SCAPER: variants seen among roughly 807,000 people sequenced by gnomAD.
The protein encoded by SCAPER is S phase cyclin A-associated protein in the endoplasmic reticulum.
Under a neutral mutation model 182.2 loss-of-function variants are expected in SCAPER, and 98 were observed. The ratio of observed to expected loss-of-function variants is 0.54; its 90% confidence interval spans 0.46 to 0.64. The LOEUF is 0.64. Ranked by LOEUF, SCAPER falls within the 30% of genes least tolerant of loss-of-function variation. The pLI, the probability that SCAPER is intolerant of heterozygous loss-of-function variation, is 0.00. For synonymous variants in SCAPER, 605 were observed against 564.6 expected (o/e 1.07, Z -1.01); for missense variants, 1,432 against 1,690.0 (o/e 0.85, Z 2.68).
At chr15:76,634,390 G>A (rs1287421099) in intron 21 of SCAPER, among the ~76,000 whole-genome samples, 1 of 152,098 alleles carries the variant, frequency 6.6e-6, no homozygotes, top group Non-Finnish European at 1.5e-5. Flanking sequence ...CTTCTTGGTG[G>A]GAGCTGCAGA....
chr15:76,513,030 C>A (rs191485016), intron 23 of SCAPER, among the ~76,000 whole-genome samples: 1 of 152,282 alleles, frequency 6.6e-6, no homozygotes, highest in African/African-American at 2.4e-5. Context: ...GATAGACACA[C>A]TGCTCAGTAT....
intron 25 of SCAPER, among the ~76,000 whole-genome samples, chr15:76,454,287 C>T (rs1018234532): frequency 2.0e-5 from 3 of 152,170 alleles, no homozygotes; most frequent in Non-Finnish European, 2.9e-5. Flanking sequence ...CCTGACTCAT[C>T]ATAATCCTTA....
chr15:76,728,133 T>G (rs1033475673), intron 17 of SCAPER, among the ~76,000 whole-genome samples: 1 of 150,436 alleles, frequency 6.6e-6, no homozygotes, highest in Admixed American at 6.7e-5. Flanking sequence ...CTTTAAATCT[T>G]AAACAAGTGA....
chr15:76,437,382 C>T (rs991494229), intron 25 of SCAPER, among the ~76,000 whole-genome samples: 1 of 152,100 alleles, frequency 6.6e-6, no homozygotes, highest in African/African-American at 2.4e-5. Context: ...TACTTGCTTT[C>T]CTTTCCTTCC....
At chr15:76,464,167 G>A (rs2049410282) in intron 25 of SCAPER, among the ~76,000 whole-genome samples, 1 of 151,830 alleles carries the variant, frequency 6.6e-6, no homozygotes, top group Admixed American at 6.6e-5. Flanking sequence ...AAACAACTCT[G>A]CTTCCCCCTC....
At chr15:76,392,376 T>C (rs1393106323) in intron 27 of SCAPER, among the ~76,000 whole-genome samples, 1 of 152,214 alleles carries the variant, frequency 6.6e-6, no homozygotes, top group Non-Finnish European at 1.5e-5. Context: ...ACTCCTGTCA[T>C]GTCCAACCCT....
intron 23 of SCAPER, among the ~76,000 whole-genome samples, chr15:76,539,354 C>G (rs1856974373): frequency 6.6e-6 from 1 of 152,044 alleles, no homozygotes. Context: ...CAAAGAAAAG[C>G]CTGGCTCCTA....
intron 21 of SCAPER, among the ~76,000 whole-genome samples, chr15:76,661,403 T>C (rs145230327): frequency 6.6e-6 from 1 of 152,046 alleles, no homozygotes; most frequent in African/African-American, 2.4e-5. Context: ...ACCTACAGAA[T>C]GGGAGAAAAA....
At chr15:76,577,985 A>G (rs2047977398) in intron 22 of SCAPER, among the ~76,000 whole-genome samples, 1 of 152,096 alleles carries the variant, frequency 6.6e-6, no homozygotes, top group Non-Finnish European at 1.5e-5. Flanking sequence ...TCCTGAATGG[A>G]AGGCCCAGGC....
Position 76,434,327 on chromosome 15 carries a change from T to C in SCAPER, c.3079-17A>G. On this transcript the variant is annotated splice_polypyrimidine_tract_variant and intron_variant, in intron 25 of 31. Coordinates refer to ENST00000563290, the MANE Select transcript of SCAPER (RefSeq NM_020843.4). Reference sequence around the variant, plus strand: ...AACATAAACCTAGATGAAAAAAAAGTACAGTAAATATGTTTCAATAAAACC... The same window carrying C: ...AACATAAACCTAGATGAAAAAAAAGCACAGTAAATATGTTTCAATAAAACC... 6.4e-7 allele frequency: 1 copy of C among 1,552,534 alleles called. No homozygotes were observed. Among genetic ancestry groups the C allele is most frequent in the South Asian group, 1.1e-5 (1 of 87,454 alleles).
At chr15:76,872,195 A>G (rs1466236194) in intron 2 of SCAPER, among the ~76,000 whole-genome samples, 4 of 152,118 alleles carry the variant, frequency 2.6e-5, no homozygotes, top group Non-Finnish European at 5.9e-5. Flanking sequence ...TACAGAAGAG[A>G]AAATAAACAT....
intron 26 of SCAPER, among the ~76,000 whole-genome samples, chr15:76,412,490 T>C (rs1032850952): frequency 6.6e-6 from 1 of 152,140 alleles, no homozygotes; most frequent in Non-Finnish European, 1.5e-5. Flanking sequence ...CTTTTAAAAC[T>C]GCTCTAAAAA....
At chr15:76,351,168 G>A in intron 31 of SCAPER, 69 bp downstream of exon 31, 1 of 1,369,674 alleles carries the variant, frequency 7.3e-7, no homozygotes, top group Non-Finnish European at 1.0e-6. Context: ...AGCAGTTCCA[G>A]AGGAAAGGAT....
intron 29 of SCAPER, among the ~76,000 whole-genome samples, chr15:76,369,654 C>G (rs1414753877): frequency 6.6e-6 from 1 of 152,170 alleles, no homozygotes; most frequent in Non-Finnish European, 1.5e-5. Flanking sequence ...AGCAAATGCT[C>G]GCTTAGCAAA....
intron 23 of SCAPER, among the ~76,000 whole-genome samples, chr15:76,512,092 T>A (rs980895464): frequency 2.9e-4 from 44 of 151,850 alleles, no homozygotes; most frequent in African/African-American, 1.0e-3. Context: ...TTCACCATGT[T>A]GGTCAGGCCG....
chr15:76,455,883 T>A (rs1567174534), intron 25 of SCAPER, among the ~76,000 whole-genome samples: 1 of 152,158 alleles, frequency 6.6e-6, no homozygotes, highest in Non-Finnish European at 1.5e-5. Context: ...GTCCATGTAA[T>A]CTCATTGTTC....
intron 26 of SCAPER, among the ~76,000 whole-genome samples, chr15:76,425,841 C>T (rs183117516): frequency 3.3e-5 from 5 of 152,170 alleles, no homozygotes; most frequent in Non-Finnish European, 5.9e-5. Flanking sequence ...CAGTCAGGAC[C>T]CTCAGCTGCA....
chr15:76,841,789 G>A lies in SCAPER; in HGVS notation c.338C>T (p.Ala113Val). The A allele has an allele frequency of 6.2e-7, 1 of 1,613,860 alleles. No homozygotes were observed. The highest frequency in any genetic ancestry group is 8.5e-7 in the Non-Finnish European group (1 of 1,179,866). ...GCAAGTTACATAGATTTCATCTACT[G>A]CTCGGCGAAGATTATCAAAAAGAAA... Reference protein sequence around the residue: ...WAFLFDNLRRAVDEIYVTCES... With the variant: ...WAFLFDNLRRVVDEIYVTCES... The change falls in exon 5 of 32, where the codon GCA (alanine) becomes GTA (valine). Residue 113 changes from alanine to valine, a missense_variant. By Grantham distance (64) the Ala-to-Val change is moderately conservative (BLOSUM62 0). This residue lies in a region of SCAPER where 480 missense variants were observed against 510.2 expected (regional missense o/e 0.94). Transcript: ENST00000563290.
intron 17 of SCAPER, among the ~76,000 whole-genome samples, chr15:76,726,386 G>A (rs759007339): frequency 5.9e-5 from 9 of 151,366 alleles, no homozygotes; most frequent in Non-Finnish European, 1.0e-4. Flanking sequence ...GTGAGGATGT[G>A]GAACCCTTGT....
Sources: allele counts gnomAD v4.1 joint callset (sites outside exome capture counted in the v4.1 genomes callset), GRCh38; gene constraint gnomAD v4.1.1; regional missense constraint gnomAD v4.1.1; transcripts MANE v1.5; gene names NCBI Gene and HGNC (gene_info 2026-07-23, HGNC 2026-07-21).